The following TDRD5 variants were observed in gnomAD, a reference collection of about 807,000 sequenced individuals.
The protein encoded by TDRD5 is tudor domain containing 5.
In TDRD5, 41 loss-of-function variants were observed where a neutral mutation model predicts 120.6. The observed-to-expected ratio is 0.34, with a 90% CI of 0.26 to 0.44. TDRD5 has a LOEUF of 0.44. TDRD5 is among the 20% of genes least tolerant of loss of function. The pLI is 1.00. For synonymous variants in TDRD5, 430 were observed against 433.7 expected (o/e 0.99, Z 0.11); for missense variants, 1,006 against 1,221.2 (o/e 0.82, Z 2.63).
At chr1:179,685,057 C>A (rs185927714) in intron 17 of TDRD5, among the ~76,000 whole-genome samples, 13,026 of 152,190 alleles carry the variant, frequency 0.086, 736 homozygotes, top group Middle Eastern at 0.17. Context: ...AGTTAGATCC[C>A]ATTTGTCAAT....
At position 179,623,625 on chromosome 1, in the gene TDRD5, CTTTTTTTT is replaced by C. The variant is rs11428251; in HGVS notation, c.972+2549_972+2556del. Among the ~76,000 whole-genome samples the C allele has an allele frequency of 3.7e-4, 36 of 97,908 alleles. 1 individual carries two copies. Among genetic ancestry groups the C allele is most frequent in the Middle Eastern group, 8.9e-3 (1 of 112 alleles). The allele number at this position is 97,908 out of a possible 152,430, so 64.2% of individuals were successfully genotyped here. On this transcript the variant is annotated intron_variant, in intron 6 of 17. Coordinates refer to ENST00000444136, the MANE Select transcript of TDRD5 (RefSeq NM_001199085.3). ...AGCAGAGAATATTCTCCAACTCATT[CTTTTTTTT>C]TTTTTTTTTTTTTTCCTTTTAAGAG... is the stretch of plus-strand genomic sequence containing the variant.
intron 7 of TDRD5, among the ~76,000 whole-genome samples, chr1:179,632,211 CTTCTTT>C (rs1028224139): frequency 1.3e-5 from 2 of 151,870 alleles, no homozygotes; most frequent in African/African-American, 4.8e-5. Flanking sequence ...CGGCCGTGAC[CTTCTTT>C]TTCTTTTGAA....
At chr1:179,623,450 A>G (rs924464617) in intron 6 of TDRD5, among the ~76,000 whole-genome samples, 59 of 152,256 alleles carry the variant, frequency 3.9e-4, no homozygotes, top group African/African-American at 1.3e-3. Flanking sequence ...GAGGGGCAGT[A>G]CCTGGAACTA....
At chr1:179,660,577 C>T (rs1428564026) in intron 14 of TDRD5, among the ~76,000 whole-genome samples, 1 of 152,118 alleles carries the variant, frequency 6.6e-6, no homozygotes, top group Non-Finnish European at 1.5e-5. Flanking sequence ...TGTACTTAGT[C>T]AGCATTTTAC....
At chr1:179,662,413 C>A in intron 15 of TDRD5, 127 bp downstream of exon 15, 1 of 941,718 alleles carries the variant, frequency 1.1e-6, no homozygotes, top group Non-Finnish European at 1.5e-6. Context: ...CCAGCCTGGG[C>A]AACATGGTGA....
chr1:179,627,771 A>G (rs1378359872), intron 6 of TDRD5, among the ~76,000 whole-genome samples: 1 of 152,234 alleles, frequency 6.6e-6, no homozygotes, highest in Non-Finnish European at 1.5e-5. Context: ...CTCAACATAG[A>G]GGATGATGGA....
At chr1:179,599,873 C>G (rs1006838872) in intron 4 of TDRD5, among the ~76,000 whole-genome samples, 2 of 152,134 alleles carry the variant, frequency 1.3e-5, no homozygotes, top group Non-Finnish European at 2.9e-5. Flanking sequence ...CAACATAGTG[C>G]AATGCAACAC....
chr1:179,683,190 C>CA (rs893628853), intron 17 of TDRD5, among the ~76,000 whole-genome samples: 5 of 152,192 alleles, frequency 3.3e-5, no homozygotes, highest in Non-Finnish European at 7.3e-5. Flanking sequence ...GGGCAGTGAG[C>CA]AAAAGCACTT....
At position 179,662,144 on chromosome 1, in the gene TDRD5, C is replaced by T. The variant is rs1167801621; in HGVS notation, c.2363C>T (p.Thr788Ile). The T allele has an allele frequency of 6.2e-7, 1 of 1,606,308 alleles. No individual in the cohort carries two copies. The highest frequency in any genetic ancestry group is 8.5e-7 in the Non-Finnish European group (1 of 1,177,148). ...GGAATGCCATGCCTGGAGTCAGTGACCATAGGTGATGATATTTGGGATGAG... is the reference window on the plus strand; with the variant it reads ...GGAATGCCATGCCTGGAGTCAGTGATCATAGGTGATGATATTTGGGATGAG... ...PTGMPCLESV[T>I]IGDDIWDENW... Residue 788 changes from threonine to isoleucine, a missense_variant, in exon 15 of 18, where the codon ACC becomes ATC. This residue lies in a region of TDRD5 where 403 missense variants were observed against 448.1 expected (regional missense o/e 0.90). Transcript: ENST00000444136.
In TDRD5 at chr1:179,617,414, G is replaced by A. The variant is rs1676620009; in HGVS notation, c.832-1185G>A. Reference sequence around the variant, plus strand: ...GTGCCTCATCACATTTAGTTTTCTTGTCAGCCTTGTGAGAGATGGAGATTA... The same window carrying A: ...GTGCCTCATCACATTTAGTTTTCTTATCAGCCTTGTGAGAGATGGAGATTA... On this transcript the variant is annotated intron_variant, in intron 4 of 17. Coordinates refer to ENST00000444136, the MANE Select transcript of TDRD5 (RefSeq NM_001199085.3). Among the ~76,000 whole-genome samples, 5 of 152,144 alleles carry A rather than the reference G, an allele frequency of 3.3e-5. No individual in the cohort carries two copies. In the South Asian group the frequency reaches 1.0e-3, roughly 32 times the overall value.
At chr1:179,663,882 A>G (rs1188406665) in intron 16 of TDRD5, among the ~76,000 whole-genome samples, 2 of 152,198 alleles carry the variant, frequency 1.3e-5, no homozygotes, top group African/African-American at 4.8e-5. Flanking sequence ...TTTAAGCTCT[A>G]TATTTGTCGC....
rs766115491 is a variant in TDRD5, at chr1:179,592,770, C to A, written c.155C>A (p.Ser52Tyr). 6.2e-7 allele frequency: 1 copy of A among 1,614,168 alleles called. No individual in the cohort carries two copies. Among genetic ancestry groups the A allele is most frequent in the South Asian group, 1.1e-5 (1 of 91,066 alleles). The change falls in exon 2 of 18, where the codon TCC becomes TAC. Residue 52 changes from serine (S) to tyrosine (Y), a missense_variant. Ser to Tyr is a moderately radical substitution (Grantham distance 144, BLOSUM62 -2). Transcript: ENST00000444136. ...HLPLRILGYR[S>Y]TMELVLDMPD... ...CCACTCCGAATCCTTGGGTATCGGT[C>A]CACTATGGAGCTGGTATTGGACATG...
At chr1:179,615,509 T>C (rs1449401591) in intron 4 of TDRD5, among the ~76,000 whole-genome samples, 1 of 152,184 alleles carries the variant, frequency 6.6e-6, no homozygotes, top group Non-Finnish European at 1.5e-5. Context: ...TATCTGAATA[T>C]AGCATATTTT....
chr1:179,651,215 C>T, intron 12 of TDRD5, 148 bp downstream of exon 12: 1 of 831,220 alleles, frequency 1.2e-6, no homozygotes, highest in Non-Finnish European at 1.8e-6. Flanking sequence ...ATGCAGAGCA[C>T]TCTTAATTTT....
intron 7 of TDRD5, among the ~76,000 whole-genome samples, chr1:179,633,897 C>T (rs749406379): frequency 7.3e-5 from 11 of 151,604 alleles, no homozygotes; most frequent in Admixed American, 5.9e-4. Context: ...CTTGGCTGGG[C>T]GCGGTGGCTC....
intron 4 of TDRD5, among the ~76,000 whole-genome samples, chr1:179,598,165 A>G (rs1327489505): frequency 6.6e-6 from 1 of 152,216 alleles, no homozygotes; most frequent in Non-Finnish European, 1.5e-5. Flanking sequence ...TTGTAACACA[A>G]CGGGGTATTT....
chr1:179,596,922 A>G (rs1331261157), intron 4 of TDRD5, among the ~76,000 whole-genome samples: 1 of 152,194 alleles, frequency 6.6e-6, no homozygotes, highest in African/African-American at 2.4e-5. Context: ...CCCATTAGAT[A>G]TGTATGAGAG....
intron 14 of TDRD5, among the ~76,000 whole-genome samples, chr1:179,659,324 T>C (rs1679162686): frequency 6.6e-6 from 1 of 152,222 alleles, no homozygotes; most frequent in Non-Finnish European, 1.5e-5. Flanking sequence ...AGAAGAACAC[T>C]GAAGTCTGTA....
chr1:179,637,432 A>C (rs1054253401), intron 9 of TDRD5, among the ~76,000 whole-genome samples: 14 of 152,150 alleles, frequency 9.2e-5, no homozygotes, highest in Non-Finnish European at 1.6e-4. Context: ...GCATAGCCCA[A>C]ATGTTAGCTG....
Sources: gnomAD v4.1 joint callset for allele counts (sites outside exome capture counted in the v4.1 genomes callset) on GRCh38, gnomAD v4.1.1 for gene constraint, gnomAD v4.1.1 regional missense constraint, MANE v1.5 for transcripts, NCBI Gene and HGNC (gene_info 2026-07-23, HGNC 2026-07-21) for gene names.